HS3ST2: variants seen among roughly 807,000 people sequenced by gnomAD.
The protein encoded by HS3ST2 is heparan sulfate glucosamine 3-O-sulfotransferase 2.
HS3ST2 carries 17 observed loss-of-function variants against 26.3 expected under a neutral mutation model. The observed-to-expected ratio is 0.65, with a 90% CI of 0.44 to 0.97. HS3ST2 has a LOEUF of 0.97. Ranked by LOEUF, HS3ST2 falls within the 50% of genes least tolerant of loss-of-function variation. The pLI, the probability that HS3ST2 is intolerant of heterozygous loss-of-function variation, is 0.00. For synonymous variants in HS3ST2, 237 were observed against 219.2 expected, an observed-to-expected ratio of 1.08 and a Z score of -0.72; for missense variants, 402 against 501.2, an observed-to-expected ratio of 0.80 and a Z score of 1.89.
Position 22,915,351 on chromosome 16 carries a change from T to C in HS3ST2, c.893T>C (p.Ile298Thr), listed in dbSNP as rs1206389642. ...VQDFLGIKRF[I>T]TDKHFYFNKT... The stretch of plus-strand genomic sequence containing the variant: ...GACTTCCTGGGCATTAAGAGATTCA[T>C]CACGGACAAGCACTTCTATTTCAAC... The change falls in exon 2 of 2, where the codon ATC becomes ACC. Residue 298 changes from isoleucine (I) to threonine (T), a missense_variant. This residue lies in a region of HS3ST2 where 237 missense variants were observed against 346.6 expected (regional missense o/e 0.68). Transcript: ENST00000261374. 2 of 1,613,940 alleles carry C rather than the reference T, an allele frequency of 1.2e-6. No homozygotes were observed. Among genetic ancestry groups the C allele is most frequent in the African/African-American group, 1.3e-5 (1 of 74,976 alleles).
intron 1 of HS3ST2, among the ~76,000 whole-genome samples, chr16:22,844,008 TACACACAC>T (rs71876208): frequency 0.021 from 3,140 of 148,444 alleles, 116 homozygotes; most frequent in African/African-American, 0.072. Flanking sequence ...GATGAAAACC[TACACACAC>T]ACACACACAC....
At chr16:22,912,720 G>A (rs1902438050) in intron 1 of HS3ST2, among the ~76,000 whole-genome samples, 1 of 152,138 alleles carries the variant, frequency 6.6e-6, no homozygotes, top group South Asian at 2.1e-4. Context: ...AAATTAAGGG[G>A]CAGATTATGC....
intron 1 of HS3ST2, 76 bp downstream of exon 1, chr16:22,815,171 T>C: frequency 6.4e-7 from 1 of 1,556,874 alleles, no homozygotes; most frequent in Admixed American, 2.1e-5. Context: ...TCTCTTGTGT[T>C]TTCTCTTTCT....
chr16:22,840,437 A>T (rs1187267772), intron 1 of HS3ST2, among the ~76,000 whole-genome samples: 1 of 151,706 alleles, frequency 6.6e-6, no homozygotes, highest in Admixed American at 6.6e-5. Flanking sequence ...GGCTGGAGTT[A>T]AGTGACACAA....
chr16:22,840,221 G>C (rs1901332700), intron 1 of HS3ST2, among the ~76,000 whole-genome samples: 1 of 152,166 alleles, frequency 6.6e-6, no homozygotes, highest in Admixed American at 6.5e-5. Context: ...GTGGCCATAG[G>C]TCAAAGGGCA....
chr16:22,833,751 A>G (rs1345492392), intron 1 of HS3ST2, among the ~76,000 whole-genome samples: 5 of 152,170 alleles, frequency 3.3e-5, no homozygotes, highest in African/African-American at 4.8e-5. Context: ...TGCTACTATC[A>G]TCATTGTCTC....
chr16:22,912,872 G>A (rs1316485620), intron 1 of HS3ST2, among the ~76,000 whole-genome samples: 3 of 151,968 alleles, frequency 2.0e-5, no homozygotes, highest in Non-Finnish European at 4.4e-5. Flanking sequence ...GTGGAAAGCT[G>A]CTTCTTCCCC....
chr16:22,902,092 A>G (rs1240415359), intron 1 of HS3ST2, among the ~76,000 whole-genome samples: 1 of 152,230 alleles, frequency 6.6e-6, no homozygotes, highest in African/African-American at 2.4e-5. Context: ...TATAGGCACT[A>G]GCACGCATGT....
chr16:22,898,150 T>C (rs917179600), intron 1 of HS3ST2, among the ~76,000 whole-genome samples: 6 of 152,194 alleles, frequency 3.9e-5, no homozygotes, highest in African/African-American at 9.6e-5. Flanking sequence ...CTGCCTATGA[T>C]GGCATGGCAC....
rs1249715345 is a variant in HS3ST2 at position 22,915,667 on chromosome 16, C to T, written c.*105C>T. On this transcript the variant is annotated 3_prime_UTR_variant, in exon 2 of 2. Coordinates refer to ENST00000261374, the MANE Select transcript of HS3ST2 (RefSeq NM_006043.2). ...CTCCAACAAACCCTGGCTCCAGCCCCCTTTCCCAACTTGAGTTGCATCATC... is the reference window on the plus strand; with the variant it reads ...CTCCAACAAACCCTGGCTCCAGCCCTCTTTCCCAACTTGAGTTGCATCATC... 2 of 1,281,896 alleles carry T rather than the reference C, an allele frequency of 1.6e-6. No individual in the cohort carries two copies. The highest frequency in any genetic ancestry group is 1.5e-5 in the African/African-American group (1 of 66,808). 79.4% of individuals were successfully genotyped at this position (1,281,896 alleles called of 1,614,324 possible). A position where few individuals can be genotyped will look rare whatever the true frequency, so the allele number is the denominator to read the frequency against.
intron 1 of HS3ST2, among the ~76,000 whole-genome samples, chr16:22,866,327 GCACACA>G (rs10603570): frequency 1.3e-5 from 2 of 149,298 alleles, no homozygotes; most frequent in African/African-American, 4.9e-5. Flanking sequence ...GCGCGCGCGC[GCACACA>G]CACACACACA....
intron 1 of HS3ST2, among the ~76,000 whole-genome samples, chr16:22,844,982 G>A (rs1432994718): frequency 2.6e-5 from 4 of 151,522 alleles, no homozygotes; most frequent in Non-Finnish European, 5.9e-5. Context: ...AGCCTCCCAA[G>A]TAGCTGGGAT....
At chr16:22,849,429 G>C (rs1004508334) in intron 1 of HS3ST2, among the ~76,000 whole-genome samples, 6 of 151,586 alleles carry the variant, frequency 4.0e-5, no homozygotes, top group South Asian at 4.2e-4. Flanking sequence ...TCTTTTTTGC[G>C]GGGGGGTATG....
intron 1 of HS3ST2, among the ~76,000 whole-genome samples, chr16:22,819,919 G>C (rs1289380903): frequency 6.6e-6 from 1 of 152,186 alleles, no homozygotes. Flanking sequence ...AGAAGGTAAG[G>C]GGCCTCCTGC....
At chr16:22,865,130 G>C (rs1901733940) in intron 1 of HS3ST2, among the ~76,000 whole-genome samples, 1 of 149,464 alleles carries the variant, frequency 6.7e-6, no homozygotes, top group Admixed American at 6.6e-5. Flanking sequence ...CAGATTTTTT[G>C]AAAAATTAAA....
At chr16:22,868,659 A>G (rs1194968419) in intron 1 of HS3ST2, among the ~76,000 whole-genome samples, 1 of 152,118 alleles carries the variant, frequency 6.6e-6, no homozygotes, top group Non-Finnish European at 1.5e-5. Flanking sequence ...AGATAAATTC[A>G]TCCATGACCG....
At chr16:22,834,845 A>C (rs771391797) in intron 1 of HS3ST2, among the ~76,000 whole-genome samples, 9 of 152,072 alleles carry the variant, frequency 5.9e-5, no homozygotes, top group Non-Finnish European at 1.2e-4. Flanking sequence ...AATCTAATGC[A>C]TGAAAACTAT....
rs903357512 is a variant in HS3ST2, at chr16:22,896,709, C to G, written c.486-18235C>G. Among the ~76,000 whole-genome samples, 28 of 152,292 alleles carry G rather than the reference C, an allele frequency of 1.8e-4. 1 individual carries two copies. Among genetic ancestry groups the G allele is most frequent in the African/African-American group, 6.5e-4 (27 of 41,544 alleles). ...TCTTTTTGGTACTAGCTTACTTCACCCATACCTTGATTTTTCTGGTCTTAA... is the reference window on the plus strand; with the variant it reads ...TCTTTTTGGTACTAGCTTACTTCACGCATACCTTGATTTTTCTGGTCTTAA... On this transcript the variant is annotated intron_variant, in intron 1 of 1. Coordinates refer to ENST00000261374, the MANE Select transcript of HS3ST2 (RefSeq NM_006043.2).
At chr16:22,870,196 T>G (rs1380539528) in intron 1 of HS3ST2, among the ~76,000 whole-genome samples, 1 of 152,094 alleles carries the variant, frequency 6.6e-6, no homozygotes, top group Non-Finnish European at 1.5e-5. Context: ...GACTCGCTCA[T>G]GCATATATCA....
Sources: gnomAD v4.1 joint callset for allele counts (sites outside exome capture counted in the v4.1 genomes callset) on GRCh38, gnomAD v4.1.1 for gene constraint, gnomAD v4.1.1 regional missense constraint, MANE v1.5 for transcripts, NCBI Gene and HGNC (gene_info 2026-07-23, HGNC 2026-07-21) for gene names.